Variants in HERPUD1 observed in about 807,000 individuals in gnomAD.
HERPUD1 encodes the protein homocysteine-responsive endoplasmic reticulum-resident ubiquitin-like domain member 1 protein.
Under a neutral mutation model 45.0 loss-of-function variants are expected in HERPUD1, and 17 were observed. The observed-to-expected ratio is 0.38, with a 90% CI of 0.26 to 0.57. The LOEUF (loss-of-function observed/expected upper bound fraction) is 0.57. Ranked by LOEUF, HERPUD1 falls within the 20% of genes least tolerant of loss-of-function variation. HERPUD1 has a pLI of 0.72. For missense variants in HERPUD1, 420 were observed against 490.5 expected (o/e 0.86, Z 1.36); for synonymous variants, 164 against 177.5 (o/e 0.92, Z 0.61).
At position 56,943,241 on chromosome 16, in the gene HERPUD1, C is replaced by T; in HGVS notation, c.1127C>T (p.Thr376Ile). 1.2e-6 allele frequency: 2 copies of T among 1,614,196 alleles called. No individual in the cohort carries two copies. The highest frequency in any genetic ancestry group is 1.7e-6 in the Non-Finnish European group (2 of 1,180,030). The change falls in exon 8 of 8, where the codon ACT becomes ATT. Residue 376 changes from threonine to isoleucine, a missense_variant. By Grantham distance (89) the Thr-to-Ile change is moderately conservative. Coordinates refer to ENST00000439977, the MANE Select transcript of HERPUD1 (RefSeq NM_014685.4). The stretch of plus-strand genomic sequence containing the variant: ...AGCACAGCATGGCTTGTCTTCAAGA[C>T]TTTCTTTGCCTCTCTTCTTCCAGAA... ...FMSTAWLVFK[T>I]FFASLLPEGP...
rs1476929288 is a variant in HERPUD1 at position 56,936,785 on chromosome 16, C to T, written c.399C>T (p.Asn133=). 2 of 1,614,024 alleles carry T rather than the reference C, an allele frequency of 1.2e-6. No individual in the cohort carries two copies. Among genetic ancestry groups the T allele is most frequent in the Non-Finnish European group, 1.7e-6 (2 of 1,179,950 alleles). Residue 133 remains asparagine, a synonymous_variant, in exon 4 of 8, where the codon AAC becomes AAT. Transcript: ENST00000439977. The part of the protein sequence containing the change: ...DGLRQREVLR[N]LSSPGWENIS... Reference sequence around the variant, plus strand: ...TAAGGCAAAGGGAAGTTCTTCGGAACCTTTCTTCCCCTGGATGGGAAAACA... The same window carrying T: ...TAAGGCAAAGGGAAGTTCTTCGGAATCTTTCTTCCCCTGGATGGGAAAACA...
At chr16:56,937,518 T>A (rs2055875701) in intron 4 of HERPUD1, 1 of 151,980 alleles carries the variant, frequency 6.6e-6, no homozygotes, top group Non-Finnish European at 1.5e-5. Flanking sequence ...CTTTCAAATA[T>A]ACACAACAGT....
At chr16:56,939,041 G>A in intron 4 of HERPUD1, 196 bp from the exon 5 acceptor site, 1 of 608,740 alleles carries the variant, frequency 1.6e-6, no homozygotes, top group Non-Finnish European at 2.9e-6. Flanking sequence ...TGGGACTGTG[G>A]TAGAAGTGCT....
At chr16:56,937,739 T>C (rs957586602) in intron 4 of HERPUD1, among the ~76,000 whole-genome samples, 2 of 150,430 alleles carry the variant, frequency 1.3e-5, no homozygotes, top group African/African-American at 2.5e-5. Context: ...AATGCCATTA[T>C]CAGATCTAAC....
At chr16:56,941,353 G>A (rs1188003087) in intron 6 of HERPUD1, 1 of 152,178 alleles carries the variant, frequency 6.6e-6, no homozygotes, top group African/African-American at 2.4e-5. Flanking sequence ...GGGGACATTT[G>A]GCAATGTGTA....
chr16:56,935,104 G>A lies in HERPUD1; in HGVS notation c.148-131G>A, dbSNP rs113286621. The A allele has an allele frequency of 7.7e-3, 5,087 of 657,696 alleles. 30 individuals carry two copies. Among genetic ancestry groups the A allele is most frequent in the Non-Finnish European group, 8.9e-3 (3,280 of 367,072 alleles). 40.7% of individuals were successfully genotyped at this position (657,696 alleles called of 1,614,324 possible). ...GAAGTCTTGTATATGGGGCTTTTGA[G>A]AAAGTGTTTTCCCGTGATGCTGGGG... On this transcript the variant is annotated intron_variant, in intron 1 of 7. Coordinates refer to ENST00000439977, the MANE Select transcript of HERPUD1 (RefSeq NM_014685.4).
At chr16:56,934,710 T>C (rs1195077681) in intron 1 of HERPUD1, among the ~76,000 whole-genome samples, 10 of 130,624 alleles carry the variant, frequency 7.7e-5, no homozygotes, top group African/African-American at 3.0e-4. Flanking sequence ...TTCTTTTTTT[T>C]TTTTTTTTTT....
chr16:56,944,148 C>T lies in HERPUD1; in HGVS notation c.*858C>T, dbSNP rs1448974382. 2.6e-5 allele frequency: 4 copies of T among 152,732 alleles called. No homozygotes were observed. Among genetic ancestry groups the T allele is most frequent in the Non-Finnish European group, 4.4e-5 (3 of 68,354 alleles). The allele number at this position is 152,732 out of a possible 1,614,324, so 9.5% of individuals were successfully genotyped here. ...ACAGCCCCAGACTCCTGGCTTAAGCCACCTCCTGCCTCAGCCACCCTGGCA... is the reference window on the plus strand; with the variant it reads ...ACAGCCCCAGACTCCTGGCTTAAGCTACCTCCTGCCTCAGCCACCCTGGCA... On this transcript the variant is annotated 3_prime_UTR_variant, in exon 8 of 8. Coordinates refer to ENST00000439977, the MANE Select transcript of HERPUD1 (RefSeq NM_014685.4).
Position 56,940,252 on chromosome 16 carries a change from A to G in HERPUD1, c.905+7A>G. On this transcript the variant is annotated splice_region_variant and intron_variant, in intron 6 of 7. Coordinates refer to ENST00000439977, the MANE Select transcript of HERPUD1 (RefSeq NM_014685.4). Reference sequence around the variant, plus strand: ...CCACCGTTGTTATGTACCTGTAAGCAGATGGTTTCTCTAATATAAATTACA... The same window carrying G: ...CCACCGTTGTTATGTACCTGTAAGCGGATGGTTTCTCTAATATAAATTACA... The G allele has an allele frequency of 1.7e-5, 27 of 1,579,386 alleles. No individual in the cohort carries two copies. The highest frequency in any genetic ancestry group is 2.3e-5 in the Non-Finnish European group (27 of 1,150,796).
chr16:56,935,758 AACTAAC>A (rs1222602442), intron 3 of HERPUD1: 2 of 396,848 alleles, frequency 5.0e-6, no homozygotes, highest in Non-Finnish European at 9.2e-6. Context: ...TAGATTACTG[AACTAAC>A]ACTAATCGGG....
At chr16:56,939,399 C>T (rs62035462) in intron 5 of HERPUD1, 40 bp downstream of exon 5, 190 of 1,611,564 alleles carry the variant, frequency 1.2e-4, no homozygotes, top group South Asian at 5.1e-4. Flanking sequence ...CCAGGGCTCC[C>T]GGGAATTGAA....
chr16:56,943,001 T>G, intron 7 of HERPUD1, 125 bp from the exon 8 acceptor site: 2 of 952,222 alleles, frequency 2.1e-6, no homozygotes, highest in Non-Finnish European at 3.2e-6. Flanking sequence ...CCTGGCTGCC[T>G]GCTGCTGTGC....
intron 1 of HERPUD1, chr16:56,933,160 TGTAA>T (rs2055840323): frequency 2.4e-6 from 1 of 422,756 alleles, no homozygotes; most frequent in South Asian, 1.7e-5. Flanking sequence ...TCTGATATTA[TGTAA>T]GTGTCAGCAG....
In HERPUD1 at chr16:56,939,310, C is replaced by T; in HGVS notation, c.505C>T (p.Gln169Ter). Residue 169 changes from glutamine (Q) to a stop codon, truncating the protein, a stop_gained, in exon 5 of 8, where the codon CAG becomes TAG. Coordinates refer to ENST00000439977, the MANE Select transcript of HERPUD1 (RefSeq NM_014685.4). LOFTEE classifies it high-confidence loss of function. ...FSGYTPYGWLQLSWFQQIYAR... is the reference protein window; with the variant it reads ...FSGYTPYGWL ...CGGTTACACACCCTATGGGTGGCTT[C>T]AGCTTTCCTGGTTCCAGCAGATATA... 6.2e-7 allele frequency: 1 copy of T among 1,614,242 alleles called. No individual in the cohort carries two copies. Among genetic ancestry groups the T allele is most frequent in the Non-Finnish European group, 8.5e-7 (1 of 1,180,040 alleles).
At chr16:56,941,570 A>G (rs530555401) in intron 6 of HERPUD1, 1 of 152,370 alleles carries the variant, frequency 6.6e-6, no homozygotes, top group East Asian at 1.9e-4. Flanking sequence ...ATTTTCCTGT[A>G]TAGTAAAAAT....
In HERPUD1 at chr16:56,932,198, C is replaced by T. The variant is rs1258756197; in HGVS notation, c.-47C>T. On this transcript the variant is annotated 5_prime_UTR_variant, in exon 1 of 8. Transcript: ENST00000439977. ...TTGCGGGCGGCTGAGACGCCGCCTG[C>T]CTGGCACCTAGGAGCGCAGCGGAGC... is the stretch of plus-strand genomic sequence containing the variant. The T allele has an allele frequency of 1.3e-6, 2 of 1,593,232 alleles. No homozygotes were observed. Among genetic ancestry groups the T allele is most frequent in the South Asian group, 2.2e-5 (2 of 89,770 alleles).
intron 1 of HERPUD1, among the ~76,000 whole-genome samples, chr16:56,932,782 G>A (rs1202673828): frequency 2.0e-5 from 3 of 152,228 alleles, no homozygotes; most frequent in Non-Finnish European, 4.4e-5. Context: ...GCCACCCGGG[G>A]CCGTGGCTTG....
intron 6 of HERPUD1, 78 bp downstream of exon 6, chr16:56,940,323 GT>G: frequency 2.2e-5 from 24 of 1,072,878 alleles, no homozygotes; most frequent in Non-Finnish European, 2.9e-5. Flanking sequence ...TTTGTTTCTT[GT>G]TTTTTTTGAG....
intron 3 of HERPUD1, chr16:56,936,414 C>T (rs1183901032): frequency 1.4e-5 from 3 of 212,162 alleles, no homozygotes; most frequent in African/African-American, 6.9e-5. Flanking sequence ...TATCAGGAAG[C>T]TTTCTCACCA....
Sources: gnomAD v4.1 joint callset for allele counts (sites outside exome capture counted in the v4.1 genomes callset) on GRCh38, gnomAD v4.1.1 for gene constraint, MANE v1.5 for transcripts, NCBI Gene and HGNC (gene_info 2026-07-23, HGNC 2026-07-21) for gene names.